Variants in LARP6 observed in about 807,000 individuals in gnomAD.
The protein encoded by LARP6 is la-related protein 6.
A neutral mutation model predicts 32.8 loss-of-function variants in LARP6; 18 were observed. That is an observed-to-expected ratio of 0.55 (90% CI 0.38 to 0.81). The LOEUF (loss-of-function observed/expected upper bound fraction) is 0.81, where lower values mean the gene tolerates loss of function less well. Ranked by LOEUF, LARP6 falls within the 40% of genes least tolerant of loss-of-function variation. The pLI is 0.00. For synonymous variants in LARP6, 289 were observed against 267.2 expected (o/e 1.08, Z -0.80); for missense variants, 598 against 663.1 (o/e 0.90, Z 1.08).
At chr15:70,835,948 CAGGTATCTCTCA>C (rs1196918480) in intron 2 of LARP6, among the ~76,000 whole-genome samples, 1 of 152,152 alleles carries the variant, frequency 6.6e-6, no homozygotes, top group Non-Finnish European at 1.5e-5. Context: ...TTAGGCCTGG[CAGGTATCTCTCA>C]AGGCCTTCGA....
At position 70,832,009 on chromosome 15, in the gene LARP6, G is replaced by A. The variant is rs932197767; in HGVS notation, c.*43C>T. On this transcript the variant is annotated 3_prime_UTR_variant, in exon 3 of 3. Transcript: ENST00000299213. ...AGGTGTTTGTCAGAACCTTGAAAAC[G>A]AAGGTGGTTTTCAGTGGAGCTTGTA... is the stretch of plus-strand genomic sequence containing the variant. 6.7e-6 allele frequency: 9 copies of A among 1,342,874 alleles called. No homozygotes were observed. Among genetic ancestry groups the A allele is most frequent in the African/African-American group, 4.4e-5 (3 of 67,758 alleles). 83.2% of individuals were successfully genotyped at this position (1,342,874 alleles called of 1,614,324 possible).
chr15:70,840,903 C>A (rs1346773616), intron 1 of LARP6, among the ~76,000 whole-genome samples: 1 of 141,246 alleles, frequency 7.1e-6, no homozygotes. Context: ...TATAATTTCT[C>A]TTTTCTCTCT....
chr15:70,832,473 C>T lies in LARP6; in HGVS notation c.1055G>A (p.Gly352Asp). The stretch of plus-strand genomic sequence containing the variant: ...CTTGTTGGTGGCCGCGTGCCGTCGG[C>T]CCGCCATAGGGGATGTGGGGTTGCT... The part of the protein sequence containing the change: ...PESNPTSPMA[G>D]RRHAATNKLS... The change falls in exon 3 of 3, where the codon GGC becomes GAC. Residue 352 changes from glycine (G) to aspartate (D), a missense_variant. Coordinates refer to ENST00000299213, the MANE Select transcript of LARP6 (RefSeq NM_018357.4). The T allele has an allele frequency of 1.3e-6, 2 of 1,550,808 alleles. No individual in the cohort carries two copies. The highest frequency in any genetic ancestry group is 1.7e-6 in the Non-Finnish European group (2 of 1,151,422).
At chr15:70,852,104 T>C in intron 1 of LARP6, 1 of 348,912 alleles carries the variant, frequency 2.9e-6, no homozygotes. Context: ...GCTGAGAACA[T>C]TCACATCGGG....
Position 70,829,290 on chromosome 15 carries a change from C to A in LARP6, c.*2762G>T, listed in dbSNP as rs1465681020. The stretch of plus-strand genomic sequence containing the variant: ...AGTAGCTGGGATTACAGGTGCGTGC[C>A]ACCATGCCCGGCTAATTTTTTTGTA... On this transcript the variant is annotated 3_prime_UTR_variant, in exon 3 of 3. Transcript: ENST00000299213. 1 of 152,328 alleles carries A rather than the reference C, an allele frequency of 6.6e-6. No homozygotes were observed. Among genetic ancestry groups the A allele is most frequent in the Non-Finnish European group, 1.5e-5 (1 of 68,172 alleles). The allele number at this position is 152,328 out of a possible 1,614,324, so 9.4% of individuals were successfully genotyped here.
chr15:70,848,389 A>G (rs2032385499), intron 1 of LARP6, among the ~76,000 whole-genome samples: 1 of 152,236 alleles, frequency 6.6e-6, no homozygotes, highest in South Asian at 2.1e-4. Flanking sequence ...AGTAGAGACT[A>G]CGTATATCAG....
rs780518378 is a variant in LARP6 at position 70,832,363 on chromosome 15, G to A, written c.1165C>T (p.Arg389Cys). ...GGGGACTTTCTGGAAACGCCTTTGC[G>A]TTGGGCCAAGGGGCTGCTCCAAGGA... ...TSPWSSPLAQRKGVSRKSPLA... is the reference protein window; with the variant it reads ...TSPWSSPLAQCKGVSRKSPLA... Residue 389 changes from arginine (R) to cysteine (C), a missense_variant, in exon 3 of 3, where the codon CGC (arginine) becomes TGC (cysteine). Around this residue, in one of 3 missense-constraint regions of LARP6, gnomAD observed 368 missense variants for 397.9 expected, o/e 0.92. Transcript: ENST00000299213. The A allele has an allele frequency of 2.0e-5, 33 of 1,613,840 alleles. No homozygotes were observed. Among genetic ancestry groups the A allele is most frequent in the Admixed American group, 1.7e-5 (1 of 59,986 alleles).
At chr15:70,853,593 G>C in intron 1 of LARP6, 1 of 249,836 alleles carries the variant, frequency 4.0e-6, no homozygotes, top group Non-Finnish European at 7.6e-6. Flanking sequence ...GGGTGGCTTG[G>C]ATGGCCCGTG....
chr15:70,841,038 C>A (rs963324774), intron 1 of LARP6, among the ~76,000 whole-genome samples: 1 of 151,890 alleles, frequency 6.6e-6, no homozygotes, highest in African/African-American at 2.4e-5. Flanking sequence ...CTCAGCCTCC[C>A]GAGTAGCTGG....
intron 1 of LARP6, among the ~76,000 whole-genome samples, chr15:70,846,398 CAGG>C (rs1298600088): frequency 2.0e-4 from 31 of 152,236 alleles, no homozygotes; most frequent in African/African-American, 7.2e-4. Context: ...CATTTGAGGC[CAGG>C]AGTTCGAGAC....
At position 70,832,887 on chromosome 15, in the gene LARP6, A is replaced by G; in HGVS notation, c.641T>C (p.Met214Thr). 1.2e-6 allele frequency: 2 copies of G among 1,608,392 alleles called. No homozygotes were observed. Among genetic ancestry groups the G allele is most frequent in the East Asian group, 2.2e-5 (1 of 44,862 alleles). ...CCCAAAAAGCTTGAGCAGGTGTTCC[A>G]TCACCTTCTCTTGCACCCTTCCATT... ...QKNGRVQEKV[M>T]EHLLKLFGTF... is the part of the protein sequence containing the mutation. The change falls in exon 3 of 3, where the codon ATG (methionine) becomes ACG (threonine). Residue 214 changes from methionine to threonine, a missense_variant. Around this residue, in one of 3 missense-constraint regions of LARP6, gnomAD observed 368 missense variants for 397.9 expected, o/e 0.92. Coordinates refer to ENST00000299213, the MANE Select transcript of LARP6 (RefSeq NM_018357.4).
chr15:70,847,560 AGTGTTTCATC>A (rs952753590), intron 1 of LARP6, among the ~76,000 whole-genome samples: 2 of 152,060 alleles, frequency 1.3e-5, no homozygotes, highest in African/African-American at 4.8e-5. Context: ...TAGTAGAGAC[AGTGTTTCATC>A]GTATTGGCCA....
In LARP6 at chr15:70,832,709, A is replaced by C. The variant is rs146396435; in HGVS notation, c.819T>G (p.His273Gln). ...FEEVEAAIKAHEFMITESQGK... is the reference protein window; with the variant it reads ...FEEVEAAIKAQEFMITESQGK... ...CCTGAGATTCTGTGATCATGAACTC[A>C]TGGGCTTTGATGGCTGCTTCCACCT... Residue 273 changes from histidine (H) to glutamine (Q), a missense_variant, in exon 3 of 3, where the codon CAT becomes CAG. By Grantham distance (24) the His-to-Gln change is conservative. This residue lies in a region of LARP6 where 368 missense variants were observed against 397.9 expected (regional missense o/e 0.92). Coordinates refer to ENST00000299213, the MANE Select transcript of LARP6 (RefSeq NM_018357.4). 1 of 1,601,574 alleles carries C rather than the reference A, an allele frequency of 6.2e-7. No individual in the cohort carries two copies. Among genetic ancestry groups the C allele is most frequent in the East Asian group, 2.2e-5 (1 of 44,792 alleles).
In LARP6 at chr15:70,832,335, A is replaced by T. The variant is rs1284293847; in HGVS notation, c.1193T>A (p.Leu398Gln). 2 of 1,614,096 alleles carry T rather than the reference A, an allele frequency of 1.2e-6. No homozygotes were observed. Among genetic ancestry groups the T allele is most frequent in the Non-Finnish European group, 1.7e-6 (2 of 1,180,042 alleles). The change falls in exon 3 of 3, where the codon CTG becomes CAG. Residue 398 changes from leucine to glutamine, a missense_variant. Leu to Gln is a moderately radical substitution (Grantham distance 113). This residue lies in a region of LARP6 where 368 missense variants were observed against 397.9 expected (regional missense o/e 0.92). Transcript: ENST00000299213. ...GCAGTTCAGTCTACCTTCCTCCGCCAGTGGGGACTTTCTGGAAACGCCTTT... is the reference window on the plus strand; with the variant it reads ...GCAGTTCAGTCTACCTTCCTCCGCCTGTGGGGACTTTCTGGAAACGCCTTT... ...QRKGVSRKSP[L>Q]AEEGRLNCST...
chr15:70,832,522 C>A lies in LARP6; in HGVS notation c.1006G>T (p.Ala336Ser), dbSNP rs2032066908. The change falls in exon 3 of 3, where the codon GCC (alanine) becomes TCC (serine). Residue 336 changes from alanine (A) to serine (S), a missense_variant. Ala to Ser is a moderately conservative substitution (Grantham distance 99). Transcript: ENST00000299213. ...CTCTCGGGGTCAGAGGAGCTGTTGG[C>A]AGAAGACTCATCACCCATGTACTGA... is the stretch of plus-strand genomic sequence containing the variant. ...ELQYMGDESS[A>S]NSSSDPESNP... 1.3e-6 allele frequency: 2 copies of A among 1,543,956 alleles called. No homozygotes were observed. Among genetic ancestry groups the A allele is most frequent in the Non-Finnish European group, 1.7e-6 (2 of 1,149,418 alleles).
intron 1 of LARP6, among the ~76,000 whole-genome samples, chr15:70,841,215 G>T (rs891201453): frequency 3.3e-5 from 5 of 152,086 alleles, no homozygotes; most frequent in Non-Finnish European, 7.4e-5. Flanking sequence ...GCCCGGCCGG[G>T]CAGTATAATT....
Position 70,830,682 on chromosome 15 carries a change from A to T in LARP6, c.*1370T>A, listed in dbSNP as rs1483582200. 3 of 152,240 alleles carry T rather than the reference A, an allele frequency of 2.0e-5. No homozygotes were observed. Among genetic ancestry groups the T allele is most frequent in the Non-Finnish European group, 4.4e-5 (3 of 68,050 alleles). 9.4% of individuals were successfully genotyped at this position (152,240 alleles called of 1,614,324 possible). A position where few individuals can be genotyped will look rare whatever the true frequency, so the allele number is the denominator to read the frequency against. On this transcript the variant is annotated 3_prime_UTR_variant, in exon 3 of 3. Coordinates refer to ENST00000299213, the MANE Select transcript of LARP6 (RefSeq NM_018357.4). ...AGTTTTTGGGCAGATTAAATGAGAT[A>T]ATGCATGGAAAGCTCTTAGCATAGT... is the stretch of plus-strand genomic sequence containing the variant.
At position 70,831,363 on chromosome 15, in the gene LARP6, G is replaced by A. The variant is rs1006148716; in HGVS notation, c.*689C>T. The A allele has an allele frequency of 2.0e-5, 3 of 152,198 alleles. No individual in the cohort carries two copies. The highest frequency in any genetic ancestry group is 7.2e-5 in the African/African-American group (3 of 41,446). The allele number at this position is 152,198 out of a possible 1,614,324, so 9.4% of individuals were successfully genotyped here. A position where few individuals can be genotyped will look rare whatever the true frequency, so the allele number is the denominator to read the frequency against. On this transcript the variant is annotated 3_prime_UTR_variant, in exon 3 of 3. Coordinates refer to ENST00000299213, the MANE Select transcript of LARP6 (RefSeq NM_018357.4). ...CTTGATCACTATGCATTATAAACAT[G>A]TAACAAAGTTTCTCATGTAGCCCAT...
chr15:70,851,919 A>T, intron 1 of LARP6: 1 of 729,882 alleles, frequency 1.4e-6, no homozygotes, highest in East Asian at 2.9e-5. Flanking sequence ...GGGGGTGCAG[A>T]GGCATGTAGA....
Sources: allele counts gnomAD v4.1 joint callset (sites outside exome capture counted in the v4.1 genomes callset), GRCh38; gene constraint gnomAD v4.1.1; regional missense constraint gnomAD v4.1.1; transcripts MANE v1.5; gene names NCBI Gene and HGNC (gene_info 2026-07-23, HGNC 2026-07-21).